The following PLCB1 variants were observed in gnomAD, a reference collection of about 807,000 sequenced individuals.
The protein encoded by PLCB1 is 1-phosphatidylinositol 4,5-bisphosphate phosphodiesterase beta-1.
A neutral mutation model predicts 161.8 loss-of-function variants in PLCB1; 46 were observed. That is an observed-to-expected ratio of 0.28 (90% CI 0.22 to 0.36). The LOEUF (loss-of-function observed/expected upper bound fraction) is 0.36, where lower values mean the gene tolerates loss of function less well. Among genes scored for constraint, PLCB1 ranks in the 10% least tolerant of loss-of-function variants. The pLI is 1.00. For synonymous variants in PLCB1, 517 were observed against 503.7 expected (o/e 1.03, Z -0.35); for missense variants, 1,016 against 1,472.5 (o/e 0.69, Z 5.07).
intron 3 of PLCB1, among the ~76,000 whole-genome samples, chr20:8,601,027 T>C (rs1253889854): frequency 6.6e-6 from 1 of 152,108 alleles, no homozygotes; most frequent in South Asian, 2.1e-4. Context: ...ATGAACCCGG[T>C]ACCTCAGATG....
chr20:8,488,413 C>G (rs1982816746), intron 3 of PLCB1, among the ~76,000 whole-genome samples: 1 of 152,130 alleles, frequency 6.6e-6, no homozygotes, highest in Non-Finnish European at 1.5e-5. Context: ...ACAGGTTTCC[C>G]CTAAATGCAT....
At chr20:8,261,264 G>GGA (rs1056574456) in intron 2 of PLCB1, among the ~76,000 whole-genome samples, 109 of 151,868 alleles carry the variant, frequency 7.2e-4, no homozygotes, top group African/African-American at 2.3e-3. Context: ...AACATTAAGA[G>GGA]GAGAGAGAGA....
At chr20:8,311,691 G>C (rs138048726) in intron 2 of PLCB1, among the ~76,000 whole-genome samples, 1 of 152,110 alleles carries the variant, frequency 6.6e-6, no homozygotes. Context: ...TCATAACTCC[G>C]GAGTGATCTT....
chr20:8,787,257 C>T (rs921187730), intron 27 of PLCB1, among the ~76,000 whole-genome samples: 2 of 152,180 alleles, frequency 1.3e-5, no homozygotes, highest in African/African-American at 4.8e-5. Context: ...TTCCAAGTTC[C>T]ACCCAGGAAG....
chr20:8,817,316 C>A (rs550134657), intron 31 of PLCB1, among the ~76,000 whole-genome samples: 1 of 152,172 alleles, frequency 6.6e-6, no homozygotes, highest in African/African-American at 2.4e-5. Flanking sequence ...TGTCCTTTAT[C>A]TTGAAGGTGT....
intron 2 of PLCB1, among the ~76,000 whole-genome samples, chr20:8,351,781 C>A (rs1228725693): frequency 6.6e-6 from 1 of 151,898 alleles, no homozygotes; most frequent in African/African-American, 2.4e-5. Flanking sequence ...CAATTGAAAA[C>A]CCCAATGAAA....
At chr20:8,612,581 G>A (rs765364628) in intron 3 of PLCB1, among the ~76,000 whole-genome samples, 8 of 152,032 alleles carry the variant, frequency 5.3e-5, no homozygotes, top group Non-Finnish European at 8.8e-5. Flanking sequence ...TTGGATTATC[G>A]CGCATCCACT....
At chr20:8,523,550 A>AG (rs1209980524) in intron 3 of PLCB1, among the ~76,000 whole-genome samples, 1 of 140,030 alleles carries the variant, frequency 7.1e-6, no homozygotes, top group Non-Finnish European at 1.5e-5. Context: ...CAAAGAAAAG[A>AG]GAAAAAAAGG....
rs548448853 is a variant in PLCB1 at position 8,441,861 on chromosome 20, C to T, written c.246+70411C>T. Among the ~76,000 whole-genome samples the T allele has an allele frequency of 5.3e-5, 8 of 152,208 alleles. No homozygotes were observed. The South Asian group carries it at 1.7e-3, about 32-fold the overall frequency. ...CAATCCAGGAGGATTAGCTAAGCAG[C>T]AATAAAGCACCTTATAACTGTTACA... On this transcript the variant is annotated intron_variant, in intron 3 of 31. Transcript: ENST00000338037.
chr20:8,375,943 C>CAAAAAAAA (rs34790517), intron 3 of PLCB1, among the ~76,000 whole-genome samples: 3 of 93,054 alleles, frequency 3.2e-5, no homozygotes, highest in South Asian at 3.9e-4. Context: ...CCAAGTGAAC[C>CAAAAAAAA]AAAAAAAAAA....
At chr20:8,793,910 CG>C (rs968124148) in intron 31 of PLCB1, among the ~76,000 whole-genome samples, 74 of 152,206 alleles carry the variant, frequency 4.9e-4, no homozygotes, top group African/African-American at 1.5e-3. Context: ...CAGCTATGCC[CG>C]GGGGGCCAGT....
intron 2 of PLCB1, among the ~76,000 whole-genome samples, chr20:8,240,883 C>A (rs889488864): frequency 1.3e-5 from 2 of 151,922 alleles, no homozygotes; most frequent in Non-Finnish European, 2.9e-5. Flanking sequence ...TTGCTTCATA[C>A]TTTTCCTATT....
intron 31 of PLCB1, among the ~76,000 whole-genome samples, chr20:8,832,502 C>A (rs1053291433): frequency 6.6e-6 from 1 of 152,202 alleles, no homozygotes; most frequent in Non-Finnish European, 1.5e-5. Flanking sequence ...TGGATCTCTT[C>A]GCATGTCCTT....
chr20:8,460,509 C>T (rs1981530832), intron 3 of PLCB1, among the ~76,000 whole-genome samples: 1 of 152,230 alleles, frequency 6.6e-6, no homozygotes, highest in Admixed American at 6.5e-5. Context: ...ACATTAACTG[C>T]TGTTCAAAAA....
chr20:8,881,997 C>A lies in PLCB1; in HGVS notation c.*148C>A, dbSNP rs1195121306. The A allele has an allele frequency of 1.6e-6, 1 of 618,742 alleles. No homozygotes were observed. Among genetic ancestry groups the A allele is most frequent in the Non-Finnish European group, 2.8e-6 (1 of 352,102 alleles). The allele number at this position is 618,742 out of a possible 1,614,324, so 38.3% of individuals were successfully genotyped here. On this transcript the variant is annotated 3_prime_UTR_variant, in exon 32 of 32. Transcript: ENST00000338037. ...CCAAAGGGAGAGTTCCAGAGGAATC[C>A]ATGAAGAATTCCCATGCCCAGGCTC... is the stretch of plus-strand genomic sequence containing the variant.
chr20:8,291,478 A>G (rs1287114333), intron 2 of PLCB1, among the ~76,000 whole-genome samples: 1 of 152,224 alleles, frequency 6.6e-6, no homozygotes, highest in Non-Finnish European at 1.5e-5. Flanking sequence ...CCCAGGAGCA[A>G]CTAGTTATTA....
At chr20:8,715,013 A>G (rs540897563) in intron 12 of PLCB1, among the ~76,000 whole-genome samples, 13 of 152,142 alleles carry the variant, frequency 8.5e-5, no homozygotes, top group Non-Finnish European at 1.8e-4. Context: ...AAGAATAAGA[A>G]TCACATTTTA....
intron 18 of PLCB1, among the ~76,000 whole-genome samples, chr20:8,732,600 T>A (rs1980312667): frequency 6.9e-6 from 1 of 145,438 alleles, no homozygotes; most frequent in African/African-American, 2.5e-5. Flanking sequence ...TTAGATAGTG[T>A]ATCATATTAG....
At chr20:8,411,547 G>C (rs1203374687) in intron 3 of PLCB1, among the ~76,000 whole-genome samples, 1 of 152,152 alleles carries the variant, frequency 6.6e-6, no homozygotes, top group African/African-American at 2.4e-5. Context: ...CAATGAAAGA[G>C]TAGACTTTTA....
Sources: gnomAD v4.1 joint callset for allele counts (sites outside exome capture counted in the v4.1 genomes callset) on GRCh38, gnomAD v4.1.1 for gene constraint, MANE v1.5 for transcripts, NCBI Gene and HGNC (gene_info 2026-07-23, HGNC 2026-07-21) for gene names.